The following IGF1R variants were observed in gnomAD, a reference collection of about 807,000 sequenced individuals.
IGF1R encodes insulin-like growth factor 1 receptor.
A neutral mutation model predicts 144.6 loss-of-function variants in IGF1R; 44 were observed. That is an observed-to-expected ratio of 0.30 (90% CI 0.24 to 0.39). IGF1R has a LOEUF of 0.39. Ranked by LOEUF, IGF1R falls within the 10% of genes least tolerant of loss-of-function variation. IGF1R has a pLI of 1.00. For synonymous variants in IGF1R, 795 were observed against 722.8 expected (o/e 1.10, Z -1.60); for missense variants, 1,355 against 1,833.7 (o/e 0.74, Z 4.77).
intron 1 of IGF1R, among the ~76,000 whole-genome samples, chr15:98,680,532 C>T (rs551855244): frequency 2.0e-5 from 3 of 152,138 alleles, no homozygotes; most frequent in African/African-American, 2.4e-5. Flanking sequence ...TCCCAAAGTG[C>T]TGGGATTACA....
At chr15:98,805,662 CTTGT>C (rs749648585) in intron 2 of IGF1R, among the ~76,000 whole-genome samples, 10 of 152,174 alleles carry the variant, frequency 6.6e-5, no homozygotes, top group Non-Finnish European at 1.0e-4. Flanking sequence ...TTTTGGTTGT[CTTGT>C]TTAACTAATT....
intron 2 of IGF1R, among the ~76,000 whole-genome samples, chr15:98,822,377 A>G (rs1260005546): frequency 2.6e-5 from 4 of 152,170 alleles, no homozygotes; most frequent in African/African-American, 9.7e-5. Flanking sequence ...TAGGCTTGAG[A>G]TGGCTTTGTG....
chr15:98,733,826 A>G (rs1044484247), intron 2 of IGF1R, among the ~76,000 whole-genome samples: 5 of 152,166 alleles, frequency 3.3e-5, no homozygotes, highest in Non-Finnish European at 7.4e-5. Context: ...GGCAAAGCCC[A>G]GGGATTTGTT....
chr15:98,769,178 ATCT>A (rs1425792876), intron 2 of IGF1R, among the ~76,000 whole-genome samples: 2 of 152,180 alleles, frequency 1.3e-5, no homozygotes, highest in Non-Finnish European at 2.9e-5. Context: ...AAGATTCTTG[ATCT>A]TCTTTGTAAG....
At chr15:98,893,378 T>C (rs1469943128) in intron 3 of IGF1R, 2 of 152,364 alleles carry the variant, frequency 1.3e-5, no homozygotes, top group African/African-American at 4.8e-5. Flanking sequence ...TTACTCTGAA[T>C]ACTTTAAAAT....
chr15:98,729,111 C>T (rs1188775309), intron 2 of IGF1R, among the ~76,000 whole-genome samples: 11 of 152,140 alleles, frequency 7.2e-5, no homozygotes, highest in Admixed American at 7.2e-4. Flanking sequence ...AAGGCTGACA[C>T]AAAAAATACT....
intron 1 of IGF1R, among the ~76,000 whole-genome samples, chr15:98,679,639 A>G (rs1240566214): frequency 1.3e-5 from 2 of 152,250 alleles, no homozygotes; most frequent in African/African-American, 4.8e-5. Flanking sequence ...AATACTTGAT[A>G]ATAAACAACC....
intron 2 of IGF1R, among the ~76,000 whole-genome samples, chr15:98,859,804 A>G (rs1021125346): frequency 6.6e-6 from 1 of 152,352 alleles, no homozygotes; most frequent in East Asian, 1.9e-4. Context: ...TTTCTTCAAT[A>G]AAGAGAAAGA....
chr15:98,767,898 A>C (rs12905037), intron 2 of IGF1R, among the ~76,000 whole-genome samples: 18,094 of 152,088 alleles, frequency 0.12, 1,308 homozygotes, highest in East Asian at 0.21. Flanking sequence ...GCATTGTTTG[A>C]ATACTTGCGT....
intron 10 of IGF1R, among the ~76,000 whole-genome samples, chr15:98,917,757 A>T (rs1459064838): frequency 1.3e-5 from 2 of 152,202 alleles, no homozygotes; most frequent in Admixed American, 6.5e-5. Context: ...GTATGATTTT[A>T]TGTTGTGTGA....
intron 2 of IGF1R, among the ~76,000 whole-genome samples, chr15:98,836,535 A>T (rs916678258): frequency 9.9e-5 from 15 of 152,076 alleles, no homozygotes; most frequent in African/African-American, 2.9e-4. Flanking sequence ...AAAAAAAAAA[A>T]AAAAAGTTTG....
rs1282401650 is a variant in IGF1R, at chr15:98,708,086, A to G, written c.619A>G (p.Thr207Ala). 6.2e-7 allele frequency: 1 copy of G among 1,613,638 alleles called. No individual in the cohort carries two copies. The highest frequency in any genetic ancestry group is 8.5e-7 in the Non-Finnish European group (1 of 1,179,944). ...CAATGAGTACAACTACCGCTGCTGG[A>G]CCACAAACCGCTGCCAGAAAAGTAA... is the stretch of plus-strand genomic sequence containing the variant. ...INNEYNYRCW[T>A]TNRCQKMCPS... is the part of the protein sequence containing the mutation. The change falls in exon 2 of 21, where the codon ACC (threonine) becomes GCC (alanine). Residue 207 changes from threonine to alanine, a missense_variant. Physicochemically the swap from Thr to Ala is moderately conservative, Grantham distance 58 (BLOSUM62 0). This residue lies in a region of IGF1R where 880 missense variants were observed against 1,202.7 expected (regional missense o/e 0.73). Transcript: ENST00000650285.
intron 2 of IGF1R, among the ~76,000 whole-genome samples, chr15:98,762,159 T>G (rs2055316364): frequency 6.6e-6 from 1 of 152,220 alleles, no homozygotes; most frequent in African/African-American, 2.4e-5. Context: ...CCATTATATT[T>G]GCATAAATAG....
At chr15:98,890,988 C>T (rs1446455985) in intron 2 of IGF1R, among the ~76,000 whole-genome samples, 2 of 152,196 alleles carry the variant, frequency 1.3e-5, no homozygotes, top group Non-Finnish European at 2.9e-5. Flanking sequence ...GGCTGACCCA[C>T]GCCTGAGGCA....
At chr15:98,756,366 AGTT>A (rs1237678806) in intron 2 of IGF1R, among the ~76,000 whole-genome samples, 1 of 151,718 alleles carries the variant, frequency 6.6e-6, no homozygotes, top group African/African-American at 2.4e-5. Context: ...AATATATTAT[AGTT>A]GTTCTGTTCA....
chr15:98,922,130 T>C lies in IGF1R; in HGVS notation c.2202-18T>C, dbSNP rs184009478. On this transcript the variant is annotated intron_variant, in intron 10 of 20. Coordinates refer to ENST00000650285, the MANE Select transcript of IGF1R (RefSeq NM_000875.5). ...GAGGTAAAAGTACTTAAAAGCCACA[T>C]TTCTCTCCTCCTTGCAGACCTGAAA... 2,009 of 1,614,016 alleles carry C rather than the reference T, an allele frequency of 1.2e-3. 38 individuals are homozygous for C. Among genetic ancestry groups the C allele is most frequent in the Non-Finnish European group, 7.2e-5 (85 of 1,179,914 alleles).
At chr15:98,786,939 C>G (rs981499848) in intron 2 of IGF1R, among the ~76,000 whole-genome samples, 23 of 152,178 alleles carry the variant, frequency 1.5e-4, no homozygotes, top group African/African-American at 4.8e-4. Context: ...CTCTCTCACC[C>G]ACTTGAGGAT....
intron 1 of IGF1R, among the ~76,000 whole-genome samples, chr15:98,667,712 C>T (rs749214703): frequency 7.2e-5 from 11 of 152,114 alleles, no homozygotes; most frequent in Non-Finnish European, 1.5e-4. Flanking sequence ...CTGTCCCGCC[C>T]GGGGGAGTGG....
intron 1 of IGF1R, among the ~76,000 whole-genome samples, chr15:98,676,619 G>A (rs1052889678): frequency 7.2e-5 from 11 of 152,104 alleles, no homozygotes; most frequent in African/African-American, 2.6e-4. Flanking sequence ...GTGTGTGTAT[G>A]TTGTTTTGTT....
Sources: allele counts gnomAD v4.1 joint callset (sites outside exome capture counted in the v4.1 genomes callset), GRCh38; gene constraint gnomAD v4.1.1; regional missense constraint gnomAD v4.1.1; transcripts MANE v1.5; gene names NCBI Gene and HGNC (gene_info 2026-07-23, HGNC 2026-07-21).